SGCD: variants seen among roughly 807,000 people sequenced by gnomAD.
SGCD encodes delta-sarcoglycan.
A neutral mutation model predicts 36.6 loss-of-function variants in SGCD; 18 were observed. The ratio of observed to expected loss-of-function variants is 0.49; its 90% CI spans 0.34 to 0.73. SGCD has a LOEUF of 0.73. SGCD is among the 30% of genes least tolerant of loss of function. The pLI is 0.01. For synonymous variants in SGCD, 133 were observed against 130.6 expected, an observed-to-expected ratio of 1.02 and a Z score of -0.12; for missense variants, 387 against 346.7, an observed-to-expected ratio of 1.12 and a Z score of -0.92.
At chr5:156,575,716 T>G (rs1301198325) in intron 4 of SGCD, among the ~76,000 whole-genome samples, 1 of 152,036 alleles carries the variant, frequency 6.6e-6, no homozygotes, top group Non-Finnish European at 1.5e-5. Context: ...TAAAGTAGCA[T>G]TCCCTAAAAT....
At chr5:156,501,308 T>C (rs1756441414) in intron 3 of SGCD, among the ~76,000 whole-genome samples, 1 of 152,240 alleles carries the variant, frequency 6.6e-6, no homozygotes, top group African/African-American at 2.4e-5. Flanking sequence ...GTTAGGCTAC[T>C]GCTGCTTCAT....
chr5:156,216,894 C>T (rs564329968), intron 3 of SGCD, among the ~76,000 whole-genome samples: 3 of 152,262 alleles, frequency 2.0e-5, no homozygotes, highest in Admixed American at 6.5e-5. Context: ...GCCTGGCCAA[C>T]ATGGCAAAAC....
At chr5:155,744,439 G>A in the SGCD span, among the ~76,000 whole-genome samples, 9 of 151,904 alleles carry the variant, frequency 5.9e-5, no homozygotes, top group East Asian at 5.8e-4. Flanking sequence ...CAGCCTGGGC[G>A]ACAGAGCAAG....
chr5:155,863,343 G>A, the SGCD span, among the ~76,000 whole-genome samples: 1 of 152,134 alleles, frequency 6.6e-6, no homozygotes, highest in Admixed American at 6.5e-5. Flanking sequence ...TTCATAGCAT[G>A]TGTTGACTTT....
At chr5:156,612,097 C>A (rs1459594162) in intron 6 of SGCD, among the ~76,000 whole-genome samples, 1 of 152,120 alleles carries the variant, frequency 6.6e-6, no homozygotes, top group Non-Finnish European at 1.5e-5. Flanking sequence ...GGGTCTGTTA[C>A]TAAAGAATTA....
intron 4 of SGCD, among the ~76,000 whole-genome samples, chr5:156,517,201 G>A (rs1404389486): frequency 6.6e-6 from 1 of 152,112 alleles, no homozygotes; most frequent in African/African-American, 2.4e-5. Flanking sequence ...GCAGCCACAA[G>A]TATCAATAGT....
chr5:156,177,159 G>A (rs930186104), intron 3 of SGCD, among the ~76,000 whole-genome samples: 3 of 151,958 alleles, frequency 2.0e-5, no homozygotes, highest in African/African-American at 4.8e-5. Flanking sequence ...ACGCCACCAT[G>A]CCCAGCTAAT....
chr5:155,825,977 T>G, the SGCD span, among the ~76,000 whole-genome samples: 2 of 152,196 alleles, frequency 1.3e-5, no homozygotes, highest in African/African-American at 4.8e-5. Flanking sequence ...CTCGAACTCC[T>G]GACATCAAGT....
chr5:156,237,417 G>T (rs905670279), intron 3 of SGCD, among the ~76,000 whole-genome samples: 3 of 151,984 alleles, frequency 2.0e-5, no homozygotes, highest in Non-Finnish European at 2.9e-5. Flanking sequence ...CTGAGGTTGG[G>T]AGTTCTAGAC....
intron 1 of SGCD, among the ~76,000 whole-genome samples, chr5:156,092,856 G>A (rs1400313721): frequency 6.6e-6 from 1 of 152,188 alleles, no homozygotes; most frequent in Non-Finnish European, 1.5e-5. Flanking sequence ...TCTAGAGGTT[G>A]TGAGAAAGTT....
At chr5:155,781,024 G>A in the SGCD span, among the ~76,000 whole-genome samples, 13 of 152,072 alleles carry the variant, frequency 8.5e-5, no homozygotes, top group African/African-American at 2.9e-4. Context: ...GTTTAAGCTT[G>A]TATTATGTGT....
chr5:155,850,484 C>T, the SGCD span, among the ~76,000 whole-genome samples: 2 of 152,072 alleles, frequency 1.3e-5, no homozygotes, highest in African/African-American at 4.8e-5. Flanking sequence ...TGAGAGTAGG[C>T]TGGTTCTGCT....
In SGCD at chr5:156,050,916, A is replaced by G. The variant is rs757577668; in HGVS notation, c.-281-66962A>G. Among the ~76,000 whole-genome samples, 20 of 146,532 alleles carry G rather than the reference A, an allele frequency of 1.4e-4. 3 individuals are homozygous for G. The highest frequency in any genetic ancestry group is 2.8e-4 in the Non-Finnish European group (18 of 64,964). On this transcript the variant is annotated intron_variant, in intron 1 of 9. Coordinates refer to the SGCD transcript ENST00000517913. ...TGGGCCAACATGGATAATCCAGGCT[A>G]ATCTTCCCACCTCAGGATCCTTAAT... is the stretch of plus-strand genomic sequence containing the variant.
the SGCD span, among the ~76,000 whole-genome samples, chr5:155,856,655 AAAC>A: frequency 1.3e-5 from 2 of 152,014 alleles, no homozygotes; most frequent in Non-Finnish European, 2.9e-5. Flanking sequence ...TTTAATAAGA[AAAC>A]AAAACACTTG....
At chr5:156,401,708 G>A (rs1312522814) in intron 3 of SGCD, among the ~76,000 whole-genome samples, 2 of 152,136 alleles carry the variant, frequency 1.3e-5, no homozygotes, top group African/African-American at 4.8e-5. Context: ...AGCCCCTACA[G>A]TCTAGTGAAG....
At position 156,355,421 on chromosome 5, in the gene SGCD, C is replaced by CTCATTTCTTCTTTTCAAT. The variant is rs1321256551; in HGVS notation, c.192+10744_192+10745insTCATTTCTTCTTTTCAAT. On this transcript the variant is annotated intron_variant, in intron 3 of 8. Transcript: ENST00000337851. ...CAGCTTTGTACCTTTTCCACACATT[C>CTCATTTCTTCTTTTCAAT]ATTCTGTCTCATTTCTTCCTTTCAA... Among the ~76,000 whole-genome samples the CTCATTTCTTCTTTTCAAT allele has an allele frequency of 3.5e-3, 527 of 152,308 alleles. 4 individuals are homozygous for CTCATTTCTTCTTTTCAAT. The highest frequency in any genetic ancestry group is 0.012 in the African/African-American group (505 of 41,570).
rs1757574135 is a variant in SGCD at position 156,765,644 on chromosome 5, C to T, written c.*6254C>T. 1 of 152,084 alleles carries T rather than the reference C, an allele frequency of 6.6e-6. No homozygotes were observed. Among genetic ancestry groups the T allele is most frequent in the African/African-American group, 2.4e-5 (1 of 41,408 alleles). 9.4% of individuals were successfully genotyped at this position (152,084 alleles called of 1,614,324 possible). ...CTCCTATTTCATCCTCAAAACAATCCTTTGAGTTGGGTTTTAATATAGTTC... is the reference window on the plus strand; with the variant it reads ...CTCCTATTTCATCCTCAAAACAATCTTTTGAGTTGGGTTTTAATATAGTTC... On this transcript the variant is annotated 3_prime_UTR_variant, in exon 9 of 9. Coordinates refer to ENST00000337851, the MANE Select transcript of SGCD (RefSeq NM_000337.6).
chr5:155,815,009 C>G, the SGCD span, among the ~76,000 whole-genome samples: 1 of 152,008 alleles, frequency 6.6e-6, no homozygotes, highest in African/African-American at 2.4e-5. Context: ...GGTTTAATAA[C>G]TTCAATATAC....
chr5:156,676,486 G>A (rs1021650079), intron 7 of SGCD, among the ~76,000 whole-genome samples: 6 of 152,162 alleles, frequency 3.9e-5, no homozygotes, highest in African/African-American at 1.2e-4. Context: ...TGGATAAATA[G>A]CACGTAGTCA....
Sources: gnomAD v4.1 joint callset for allele counts (sites outside exome capture counted in the v4.1 genomes callset) on GRCh38, gnomAD v4.1.1 for gene constraint, MANE v1.5 for transcripts, NCBI Gene and HGNC (gene_info 2026-07-23, HGNC 2026-07-21) for gene names.